ASPM: variants seen among roughly 807,000 people sequenced by gnomAD.
The protein encoded by ASPM is abnormal spindle-like microcephaly-associated protein.
A neutral mutation model predicts 366.4 loss-of-function variants in ASPM; 256 were observed. That is an observed-to-expected ratio of 0.70 (90% CI 0.63 to 0.77). The LOEUF is 0.77. Among genes scored for constraint, ASPM ranks in the 30% least tolerant of loss-of-function variants. ASPM has a pLI of 0.00. For synonymous variants in ASPM, 1,414 were observed against 1,342.9 expected, an observed-to-expected ratio of 1.05 and a Z score of -1.16; for missense variants, 4,146 against 4,090.4, an observed-to-expected ratio of 1.01 and a Z score of -0.37.
chr1:197,111,785 T>C (rs995798036), intron 17 of ASPM, among the ~76,000 whole-genome samples: 1 of 152,014 alleles, frequency 6.6e-6, no homozygotes, highest in Admixed American at 6.6e-5. Flanking sequence ...CTGATCATTA[T>C]AGAAATGCAA....
At chr1:197,110,879 G>C (rs986946877) in intron 17 of ASPM, among the ~76,000 whole-genome samples, 2 of 151,932 alleles carry the variant, frequency 1.3e-5, no homozygotes, top group East Asian at 1.9e-4. Flanking sequence ...TTCAATAAAC[G>C]GTCAGTGCAG....
rs748364690 is a variant in ASPM, at chr1:197,102,492, C to T, written c.6759G>A (p.Lys2253=). Residue 2253 remains lysine, a synonymous_variant, in exon 18 of 28, where the codon AAG becomes AAA. Coordinates refer to ENST00000367409, the MANE Select transcript of ASPM (RefSeq NM_018136.5). ...TCATTTTTAAATGTCTTCTAGCTTT[C>T]TTTCCCCTAAAAATAGCCTGAATGT... ...VIYIQAIFRG[K]KARRHLKMMH... 3.7e-6 allele frequency: 6 copies of T among 1,612,714 alleles called. No homozygotes were observed. Among genetic ancestry groups the T allele is most frequent in the Non-Finnish European group, 5.1e-6 (6 of 1,179,280 alleles).
At position 197,104,949 on chromosome 1, in the gene ASPM, C is replaced by A. The variant is rs777266853; in HGVS notation, c.4302G>T (p.Trp1434Cys). The change falls in exon 18 of 28, where the codon TGG (tryptophan) becomes TGT (cysteine). Residue 1434 changes from tryptophan to cysteine, a missense_variant. Trp to Cys is a radical substitution (Grantham distance 215). This residue lies in a region of ASPM where 3,624 missense variants were observed against 3,591.7 expected (regional missense o/e 1.01). Coordinates refer to ENST00000367409, the MANE Select transcript of ASPM (RefSeq NM_018136.5). ...TLIIQSMFRK[W>C]KQRKMQSQVK... Reference sequence around the variant, plus strand: ...CTTGTGATTGCATTTTACGTTGCTTCCATTTTCTGAACATAGATTGGATTA... The same window carrying A: ...CTTGTGATTGCATTTTACGTTGCTTACATTTTCTGAACATAGATTGGATTA... 7 of 1,612,084 alleles carry A rather than the reference C, an allele frequency of 4.3e-6. No homozygotes were observed. Among genetic ancestry groups the A allele is most frequent in the Non-Finnish European group, 5.9e-6 (7 of 1,179,074 alleles).
rs567212747 is a variant in ASPM at position 197,103,406 on chromosome 1, G to A, written c.5845C>T (p.His1949Tyr). ...KQCMEYIELR[H>Y]AVLVLQSMWK... ...ATAGATTGAAGCACCAGTACCGCATGACGGAGTTCAATATACTCCATACAT... is the reference window on the plus strand; with the variant it reads ...ATAGATTGAAGCACCAGTACCGCATAACGGAGTTCAATATACTCCATACAT... The change falls in exon 18 of 28, where the codon CAT becomes TAT. Residue 1949 changes from histidine to tyrosine, a missense_variant. Transcript: ENST00000367409. The A allele has an allele frequency of 1.1e-5, 17 of 1,613,178 alleles. No individual in the cohort carries two copies. In the African/African-American group the frequency reaches 1.5e-4, roughly 14 times the overall value.
At chr1:197,122,363 G>C (rs760732229) in intron 14 of ASPM, 25 bp downstream of exon 14, 1 of 1,613,336 alleles carries the variant, frequency 6.2e-7, no homozygotes, top group South Asian at 1.1e-5. Context: ...GCAAAAAATT[G>C]GAAAAGTAAC....
intron 25 of ASPM, among the ~76,000 whole-genome samples, chr1:197,088,714 A>C (rs1251469910): frequency 6.6e-6 from 1 of 152,118 alleles, no homozygotes; most frequent in Non-Finnish European, 1.5e-5. Context: ...AACATCTTGA[A>C]GTCAATAAAA....
At chr1:197,131,749 T>C (rs1003334353) in intron 7 of ASPM, among the ~76,000 whole-genome samples, 14 of 151,760 alleles carry the variant, frequency 9.2e-5, no homozygotes, top group Non-Finnish European at 1.6e-4. Context: ...TTAGTAGAGA[T>C]AGGGTTTCAC....
chr1:197,102,231 G>GA lies in ASPM; in HGVS notation c.7019dup (p.Ile2341HisfsTer32). 1 of 1,612,776 alleles carries GA rather than the reference G, an allele frequency of 6.2e-7. No individual in the cohort carries two copies. The highest frequency in any genetic ancestry group is 1.1e-5 in the South Asian group (1 of 91,056). On this transcript the variant is annotated frameshift_variant, in exon 18 of 28. Coordinates refer to ENST00000367409, the MANE Select transcript of ASPM (RefSeq NM_018136.5). LOFTEE classifies it high-confidence loss of function. ...TGTGCATTCTGAAAGTAGACTGGAT[G>GA]AAAGTAGCAGCCCTGTGCATCTCTC...
At chr1:197,093,545 C>T (rs1244591844) in intron 20 of ASPM, among the ~76,000 whole-genome samples, 2 of 151,812 alleles carry the variant, frequency 1.3e-5, no homozygotes, top group Non-Finnish European at 2.9e-5. Flanking sequence ...AAAGGACTAA[C>T]ATTACAGGAC....
rs756065244 is a variant in ASPM, at chr1:197,122,263, C to T, written c.3637G>A (p.Glu1213Lys). 13 of 1,613,604 alleles carry T rather than the reference C, an allele frequency of 8.1e-6. No homozygotes were observed. The East Asian group carries it at 2.9e-4, about 36-fold the overall frequency. The part of the protein sequence containing the change: ...SELYKELLEN[E>K]KKNFHLVRSA... ...CTAACCAAGTGAAAATTTTTCTTTT[C>T]ATTTTCTAGGAGCTCTTTGTATAGC... The change falls in exon 15 of 28, where the codon GAA becomes AAA. Residue 1213 changes from glutamate to lysine, a missense_variant. Glu to Lys is a moderately conservative substitution (Grantham distance 56). This residue lies in a region of ASPM where 3,624 missense variants were observed against 3,591.7 expected (regional missense o/e 1.01). Transcript: ENST00000367409.
intron 17 of ASPM, among the ~76,000 whole-genome samples, chr1:197,113,946 T>G (rs150579950): frequency 6.6e-6 from 1 of 152,338 alleles, no homozygotes; most frequent in East Asian, 1.9e-4. Context: ...TTCCAAATGT[T>G]AATGTAGACA....
Position 197,122,442 on chromosome 1 carries a change from A to T in ASPM, c.3544T>A (p.Ser1182Thr). ...TQTGSVVLNS[S>T]SESDDSSLDM... Reference sequence around the variant, plus strand: ...AGAGAACTGTCATCAGATTCAGATGATGAATTTAATACCACTGAACCAGTT... The same window carrying T: ...AGAGAACTGTCATCAGATTCAGATGTTGAATTTAATACCACTGAACCAGTT... The change falls in exon 14 of 28, where the codon TCA (serine) becomes ACA (threonine). Residue 1182 changes from serine (S) to threonine (T), a missense_variant. Ser to Thr is a moderately conservative substitution (Grantham distance 58). Transcript: ENST00000367409. 1.2e-6 allele frequency: 2 copies of T among 1,613,914 alleles called. No homozygotes were observed. Among genetic ancestry groups the T allele is most frequent in the Non-Finnish European group, 1.7e-6 (2 of 1,179,842 alleles).
chr1:197,123,668 A>G (rs769397367), intron 13 of ASPM, among the ~76,000 whole-genome samples: 1 of 152,122 alleles, frequency 6.6e-6, no homozygotes, highest in African/African-American at 2.4e-5. Context: ...TTTTTTTCAT[A>G]TATTTACACT....
At chr1:197,139,244 G>A in intron 4 of ASPM, 1 of 926,442 alleles carries the variant, frequency 1.1e-6, no homozygotes. Flanking sequence ...GACGGCCTCT[G>A]ACCATCCTTT....
rs587783293 is a variant in ASPM, at chr1:197,090,363, C to T, written c.9662G>A (p.Arg3221Lys). The change falls in exon 24 of 28, where the codon AGG becomes AAG. Residue 3221 changes from arginine to lysine, a missense_variant. Arg to Lys is a conservative substitution (Grantham distance 26). Coordinates refer to ENST00000367409, the MANE Select transcript of ASPM (RefSeq NM_018136.5). ...IQALWRGYSW[R>K]KKNDCTKIKA... is the part of the protein sequence containing the mutation. ...AATTTTTGTACAATCATTTTTCTTC[C>T]TCCAAGAATAGCCTCTCCATAATGC... 6.2e-7 allele frequency: 1 copy of T among 1,611,010 alleles called. No homozygotes were observed. The highest frequency in any genetic ancestry group is 8.5e-7 in the Non-Finnish European group (1 of 1,178,274).
intron 17 of ASPM, among the ~76,000 whole-genome samples, chr1:197,116,175 T>A (rs948662952): frequency 6.6e-6 from 1 of 152,210 alleles, no homozygotes; most frequent in Non-Finnish European, 1.5e-5. Flanking sequence ...GAACAGCTTA[T>A]TTCCTTAAAT....
chr1:197,122,550 A>T lies in ASPM; in HGVS notation c.3436T>A (p.Tyr1146Asn). The T allele has an allele frequency of 6.8e-6, 11 of 1,612,846 alleles. No homozygotes were observed. Among genetic ancestry groups the T allele is most frequent in the East Asian group, 2.2e-5 (1 of 44,836 alleles). ...VSFSDGRVLC[Y>N]LIHHYHPCYV... ...CAAGGATGGTAATGGTGGATCAGGT[A>T]ACATAACACACGGCCGTCTGAGAAA... Residue 1146 changes from tyrosine (Y) to asparagine (N), a missense_variant, in exon 14 of 28, where the codon TAC becomes AAC. Physicochemically the swap from Tyr to Asn is moderately radical, Grantham distance 143. This residue lies in a region of ASPM where 3,624 missense variants were observed against 3,591.7 expected (regional missense o/e 1.01). Transcript: ENST00000367409.
At position 197,146,257 on chromosome 1, in the gene ASPM, G is replaced by A. The variant is rs1342106100; in HGVS notation, c.181C>T (p.Arg61Trp). The change falls in exon 1 of 28, where the codon CGG (arginine) becomes TGG (tryptophan). Residue 61 changes from arginine (R) to tryptophan (W), a missense_variant. By Grantham distance (101) the Arg-to-Trp change is moderately radical. Around this residue, in one of 3 missense-constraint regions of ASPM, gnomAD observed 512 missense variants for 471.7 expected, o/e 1.09. Coordinates refer to ENST00000367409, the MANE Select transcript of ASPM (RefSeq NM_018136.5). ...TTGTCTAGGGCCAGAGACAGCGTCCGTGAGGCTCCCAGGAGAACGTCCCCG... is the reference window on the plus strand; with the variant it reads ...TTGTCTAGGGCCAGAGACAGCGTCCATGAGGCTCCCAGGAGAACGTCCCCG... ...CFGDVLLGAS[R>W]TLSLALDNPN... The A allele has an allele frequency of 1.2e-6, 2 of 1,614,134 alleles. No individual in the cohort carries two copies. The highest frequency in any genetic ancestry group is 1.3e-5 in the African/African-American group (1 of 75,044).
chr1:197,145,845 A>AATATATATATATATAT lies in ASPM; in HGVS notation c.297+280_297+295dup, dbSNP rs71131744. ...CGTCTATCCTAGCCTTCAATTAGAG[A>AATATATATATATATAT]ATATATATATATATATATATATAAT... is the stretch of plus-strand genomic sequence containing the variant. On this transcript the variant is annotated intron_variant, in intron 1 of 27. Transcript: ENST00000367409. 2.0e-3 allele frequency among the ~76,000 whole-genome samples: 296 copies of AATATATATATATATAT among 147,676 alleles called. 2 individuals carry two copies. The highest frequency in any genetic ancestry group is 7.2e-3 in the African/African-American group (281 of 39,228).
Sources: allele counts gnomAD v4.1 joint callset (sites outside exome capture counted in the v4.1 genomes callset), GRCh38; gene constraint gnomAD v4.1.1; regional missense constraint gnomAD v4.1.1; transcripts MANE v1.5; gene names NCBI Gene and HGNC (gene_info 2026-07-23, HGNC 2026-07-21).